The following POLR3A variants were observed in gnomAD, a reference collection of about 807,000 sequenced individuals.
POLR3A encodes the protein DNA-directed RNA polymerase III subunit RPC1.
Under a neutral mutation model 152.8 loss-of-function variants are expected in POLR3A, and 112 were observed. That is an observed-to-expected ratio of 0.73 (90% CI 0.63 to 0.86). The LOEUF (loss-of-function observed/expected upper bound fraction) is 0.86, where lower values mean the gene tolerates loss of function less well. POLR3A is among the 40% of genes least tolerant of loss of function. The pLI is 0.00. For synonymous variants in POLR3A, 615 were observed against 652.1 expected (o/e 0.94, Z 0.87); for missense variants, 1,385 against 1,743.1 (o/e 0.79, Z 3.66).
intron 30 of POLR3A, among the ~76,000 whole-genome samples, chr10:77,979,015 G>A (rs1162188638): frequency 6.7e-6 from 1 of 150,232 alleles, no homozygotes; most frequent in Non-Finnish European, 1.5e-5. Context: ...TTCTCATTAT[G>A]TTGCCCAGCC....
At chr10:77,997,583 G>A (rs1847313433) in intron 19 of POLR3A, among the ~76,000 whole-genome samples, 1 of 152,064 alleles carries the variant, frequency 6.6e-6, no homozygotes. Context: ...AAATACCTAG[G>A]AATCCAACTT....
At chr10:77,997,756 T>A (rs1847315759) in intron 19 of POLR3A, among the ~76,000 whole-genome samples, 1 of 150,792 alleles carries the variant, frequency 6.6e-6, no homozygotes, top group Non-Finnish European at 1.5e-5. Flanking sequence ...CTCAATGCCA[T>A]CCCCATCAAG....
chr10:77,983,391 G>A (rs564279233), intron 26 of POLR3A, among the ~76,000 whole-genome samples: 41 of 152,326 alleles, frequency 2.7e-4, no homozygotes, highest in African/African-American at 9.4e-4. Context: ...TTAACTACCC[G>A]AGAGAAAGAA....
chr10:77,982,115 C>T (rs767467960), intron 28 of POLR3A, 39 bp downstream of exon 28: 10 of 1,547,510 alleles, frequency 6.5e-6, no homozygotes, highest in South Asian at 1.1e-5. Flanking sequence ...ACAAGGAAGA[C>T]AGCCTAACCC....
At chr10:77,995,748 A>T (rs545407435) in intron 19 of POLR3A, among the ~76,000 whole-genome samples, 12 of 152,220 alleles carry the variant, frequency 7.9e-5, no homozygotes, top group South Asian at 2.1e-4. Context: ...ATTAGACAGA[A>T]CAACGAGACA....
intron 5 of POLR3A, among the ~76,000 whole-genome samples, chr10:78,022,770 G>T (rs183782372): frequency 6.6e-4 from 101 of 152,154 alleles, no homozygotes; most frequent in Middle Eastern, 6.8e-3. Context: ...ATAAAATCAC[G>T]GTATATCCCT....
intron 12 of POLR3A, 76 bp from the exon 13 acceptor site, chr10:78,010,067 A>G (rs960880493): frequency 6.4e-7 from 1 of 1,569,888 alleles, no homozygotes; most frequent in African/African-American, 1.4e-5. Context: ...CAATTTTAAA[A>G]TAAATTTGAA....
intron 21 of POLR3A, among the ~76,000 whole-genome samples, chr10:77,990,771 G>A (rs1431588157): frequency 4.6e-5 from 7 of 151,864 alleles, no homozygotes; most frequent in Non-Finnish European, 7.4e-5. Context: ...CCGCCACCAC[G>A]CCCGGCTAAT....
chr10:78,021,781 C>A, intron 7 of POLR3A, 79 bp downstream of exon 7: 1 of 1,609,814 alleles, frequency 6.2e-7, no homozygotes, highest in South Asian at 1.1e-5. Flanking sequence ...GACCTCCAAT[C>A]AGAGAAGCTG....
chr10:77,979,774 G>A (rs1847122796), intron 30 of POLR3A, among the ~76,000 whole-genome samples: 3 of 152,170 alleles, frequency 2.0e-5, no homozygotes, highest in Non-Finnish European at 4.4e-5. Flanking sequence ...TCTGCCCAGC[G>A]CCCAGCCAGT....
rs771475012 is a variant in POLR3A at position 77,977,493 on chromosome 10, G to A, written c.4158C>T (p.Ile1386=). 10 of 1,614,076 alleles carry A rather than the reference G, an allele frequency of 6.2e-6. No homozygotes were observed. The highest frequency in any genetic ancestry group is 8.5e-6 in the Non-Finnish European group (10 of 1,179,984). The part of the protein sequence containing the change: ...PLIFDTNEFH[I]PLVT Reference sequence around the variant, plus strand: ...TTTCTTTGGACTATGTGACAAGGGGGATGTGGAATTCATTTGTGTCGAAGA... The same window carrying A: ...TTTCTTTGGACTATGTGACAAGGGGAATGTGGAATTCATTTGTGTCGAAGA... Residue 1386 remains isoleucine, a synonymous_variant, in exon 31 of 31, where the codon ATC becomes ATT. Coordinates refer to ENST00000372371, the MANE Select transcript of POLR3A (RefSeq NM_007055.4).
chr10:78,028,443 C>A (rs1409498987), intron 1 of POLR3A, among the ~76,000 whole-genome samples: 4 of 152,102 alleles, frequency 2.6e-5, no homozygotes, highest in Admixed American at 2.6e-4. Context: ...TTATTCAGAC[C>A]GTATCTTTAA....
intron 24 of POLR3A, 146 bp from the exon 25 acceptor site, chr10:77,984,444 T>C (rs543616323): frequency 5.7e-5 from 39 of 682,054 alleles, no homozygotes; most frequent in South Asian, 1.0e-4. Context: ...CCCAGGTTCA[T>C]GCCATTCTCC....
chr10:78,014,164 GAA>G (rs111309592), intron 10 of POLR3A, among the ~76,000 whole-genome samples: 1 of 113,638 alleles, frequency 8.8e-6, no homozygotes, highest in African/African-American at 3.2e-5. Flanking sequence ...CTCAAAAAAA[GAA>G]AAAAAAAAAA....
intron 9 of POLR3A, 111 bp from the exon 10 acceptor site, chr10:78,017,827 T>C (rs1292447051): frequency 3.3e-6 from 4 of 1,214,672 alleles, no homozygotes; most frequent in Non-Finnish European, 4.8e-6. Context: ...AAATCTAAGA[T>C]GCCTCCATTT....
chr10:78,009,152 C>CAA (rs59670962), intron 14 of POLR3A, among the ~76,000 whole-genome samples: 361 of 32,936 alleles, frequency 0.011, 16 homozygotes, highest in African/African-American at 0.023. Context: ...GACTTAGTCT[C>CAA]AAAAAAAAAA....
chr10:78,002,350 G>T, intron 16 of POLR3A, 42 bp from the exon 17 acceptor site: 2 of 1,212,652 alleles, frequency 1.6e-6, no homozygotes, highest in Non-Finnish European at 2.4e-6. Context: ...TGTCCTCATT[G>T]TCTCTGTGGA....
intron 20 of POLR3A, 53 bp downstream of exon 20, chr10:77,993,144 T>C: frequency 2.8e-6 from 4 of 1,408,102 alleles, no homozygotes; most frequent in Non-Finnish European, 4.0e-6. Flanking sequence ...ACTTCCGTCC[T>C]AAAGAAACAT....
rs776647630 is a variant in POLR3A, at chr10:78,006,681, G to A, written c.2074+1021C>T. On this transcript the variant is annotated intron_variant, in intron 15 of 30. Coordinates refer to ENST00000372371, the MANE Select transcript of POLR3A (RefSeq NM_007055.4). Reference sequence around the variant, plus strand: ...TTAAAGAAATAACATAAAATTTCCCGAATGGAAGGACACACAGCTGCAGAT... The same window carrying A: ...TTAAAGAAATAACATAAAATTTCCCAAATGGAAGGACACACAGCTGCAGAT... Among the ~76,000 whole-genome samples the A allele has an allele frequency of 5.3e-5, 8 of 152,130 alleles. No homozygotes were observed. In the South Asian group the frequency reaches 1.5e-3, roughly 28 times the overall value.
Sources: gnomAD v4.1 joint callset for allele counts (sites outside exome capture counted in the v4.1 genomes callset) on GRCh38, gnomAD v4.1.1 for gene constraint, MANE v1.5 for transcripts, NCBI Gene and HGNC (gene_info 2026-07-23, HGNC 2026-07-21) for gene names.